The following CCDC81 variants were observed in gnomAD, a reference collection of about 807,000 sequenced individuals.
The protein encoded by CCDC81 is coiled-coil domain-containing protein 81.
Under a neutral mutation model 83.7 loss-of-function variants are expected in CCDC81, and 79 were observed. That is an observed-to-expected ratio of 0.94 (90% CI 0.79 to 1.14). The LOEUF (loss-of-function observed/expected upper bound fraction) is 1.14. Among genes scored for constraint, CCDC81 ranks in the 50% most tolerant of loss-of-function variants. The pLI, the probability that CCDC81 is intolerant of heterozygous loss-of-function variation, is 0.00. For missense variants in CCDC81, 791 were observed against 778.1 expected, an observed-to-expected ratio of 1.02 and a Z score of -0.20; for synonymous variants, 252 against 278.1, an observed-to-expected ratio of 0.91 and a Z score of 0.93.
chr11:86,393,098 C>T (rs576770988), intron 4 of CCDC81, among the ~76,000 whole-genome samples: 2 of 152,214 alleles, frequency 1.3e-5, no homozygotes, highest in African/African-American at 4.8e-5. Flanking sequence ...AGTCTCACTC[C>T]GTCACCCAGG....
chr11:86,386,129 TATTA>T lies in CCDC81; in HGVS notation c.141+21_141+24del, dbSNP rs747407773. The stretch of plus-strand genomic sequence containing the variant: ...CTGCACAAGGTAAGATTTATTAATT[TATTA>T]ATTTATTAATAAATTAATTTATTAA... On this transcript the variant is annotated intron_variant, in intron 2 of 14. Transcript: ENST00000445632. 1.1e-6 allele frequency: 1 copy of T among 905,578 alleles called. No individual in the cohort carries two copies. Among genetic ancestry groups the T allele is most frequent in the Non-Finnish European group, 1.5e-6 (1 of 665,066 alleles). 56.1% of individuals were successfully genotyped at this position (905,578 alleles called of 1,614,324 possible).
At chr11:86,378,623 A>G (rs1381516140) in intron 1 of CCDC81, among the ~76,000 whole-genome samples, 1 of 152,184 alleles carries the variant, frequency 6.6e-6, no homozygotes, top group Non-Finnish European at 1.5e-5. Context: ...CAGTTCTACT[A>G]GTTTTTGCTT....
chr11:86,411,872 C>A lies in CCDC81; in HGVS notation c.1219-515C>A, dbSNP rs140816634. On this transcript the variant is annotated intron_variant, in intron 10 of 14. Transcript: ENST00000445632. ...TCTGAGTTTCTTCCTCAGAAAAGAA[C>A]CACTAGGCCTTCCAAAAAGTGTCAA... 3.1e-3 allele frequency among the ~76,000 whole-genome samples: 465 copies of A among 152,252 alleles called. 3 individuals are homozygous for A. Among genetic ancestry groups the A allele is most frequent in the African/African-American group, 0.011 (452 of 41,536 alleles).
intron 7 of CCDC81, among the ~76,000 whole-genome samples, chr11:86,403,013 ATTTTTTTTTT>A (rs545083032): frequency 1.8e-5 from 2 of 112,490 alleles, no homozygotes; most frequent in Non-Finnish European, 3.6e-5. Flanking sequence ...TAATTTTTTG[ATTTTTTTTTT>A]TTTTTTTTTT....
chr11:86,404,749 G>A (rs1295129373), intron 7 of CCDC81, among the ~76,000 whole-genome samples: 2 of 152,218 alleles, frequency 1.3e-5, no homozygotes, highest in Non-Finnish European at 1.5e-5. Flanking sequence ...AACATGACCA[G>A]TGTGGTCAGA....
At position 86,374,889 on chromosome 11, in the gene CCDC81, T is replaced by C; in HGVS notation, c.-275T>C. 1 of 426,922 alleles carries C rather than the reference T, an allele frequency of 2.3e-6. No individual in the cohort carries two copies. Among genetic ancestry groups the C allele is most frequent in the South Asian group, 2.1e-5 (1 of 48,018 alleles). 26.4% of individuals were successfully genotyped at this position (426,922 alleles called of 1,614,324 possible). Reference sequence around the variant, plus strand: ...AGGGCGCGGGTCTGCACACTCTCACTCGGTGCCGGACATCAGTTCCTGCGG... The same window carrying C: ...AGGGCGCGGGTCTGCACACTCTCACCCGGTGCCGGACATCAGTTCCTGCGG... On this transcript the variant is annotated 5_prime_UTR_variant, in exon 1 of 15. Transcript: ENST00000445632.
chr11:86,422,296 C>A (rs1472083291), intron 14 of CCDC81, among the ~76,000 whole-genome samples: 2 of 152,112 alleles, frequency 1.3e-5, no homozygotes, highest in Admixed American at 1.3e-4. Flanking sequence ...GCTGTGTGAC[C>A]TTCGGCAAGT....
In CCDC81 at chr11:86,392,679, T is replaced by G. The variant is rs867090017; in HGVS notation, c.437T>G (p.Phe146Cys). 3 of 1,551,562 alleles carry G rather than the reference T, an allele frequency of 1.9e-6. No individual in the cohort carries two copies. The highest frequency in any genetic ancestry group is 3.9e-5 in the Admixed American group (2 of 50,988). The change falls in exon 4 of 15, where the codon TTT becomes TGT. Residue 146 changes from phenylalanine to cysteine, a missense_variant. Phe to Cys is a radical substitution (Grantham distance 205, BLOSUM62 -2). Transcript: ENST00000445632. ...ATTTCCATGAAACAAAATGTGGAGT[T>G]TACATTCAAAGGAATTGGGGTCCTC... ...RSISMKQNVE[F>C]TFKGIGVLMI...
intron 5 of CCDC81, among the ~76,000 whole-genome samples, chr11:86,395,768 G>A (rs545812906): frequency 1.8e-4 from 28 of 152,174 alleles, no homozygotes; most frequent in African/African-American, 6.3e-4. Flanking sequence ...GATTACAGGC[G>A]CACGCCACCA....
chr11:86,411,807 A>T (rs549343809), intron 10 of CCDC81, among the ~76,000 whole-genome samples: 1 of 152,226 alleles, frequency 6.6e-6, no homozygotes, highest in African/African-American at 2.4e-5. Flanking sequence ...ATAGAAATTG[A>T]CCCTTTTGGT....
chr11:86,375,827 C>T (rs1948092183), intron 1 of CCDC81, among the ~76,000 whole-genome samples: 1 of 152,172 alleles, frequency 6.6e-6, no homozygotes, highest in African/African-American at 2.4e-5. Context: ...TGAGATCTGT[C>T]TGCAAACCAC....
At chr11:86,413,700 G>T (rs1948676857) in intron 11 of CCDC81, among the ~76,000 whole-genome samples, 1 of 152,178 alleles carries the variant, frequency 6.6e-6, no homozygotes, top group African/African-American at 2.4e-5. Flanking sequence ...TTGAGCAGCT[G>T]TTCTTAGCTA....
At chr11:86,398,031 G>A (rs560314852) in intron 6 of CCDC81, among the ~76,000 whole-genome samples, 55 of 152,024 alleles carry the variant, frequency 3.6e-4, no homozygotes, top group Admixed American at 3.4e-3. Context: ...TTTATCTTTT[G>A]TATAGATGGG....
chr11:86,385,008 C>T (rs1948221912), intron 1 of CCDC81, among the ~76,000 whole-genome samples: 1 of 152,224 alleles, frequency 6.6e-6, no homozygotes, highest in Non-Finnish European at 1.5e-5. Context: ...AGGCTTTCCT[C>T]CAGTCAGTCA....
intron 3 of CCDC81, among the ~76,000 whole-genome samples, chr11:86,388,892 A>T (rs1463170589): frequency 6.6e-6 from 1 of 152,212 alleles, no homozygotes; most frequent in Non-Finnish European, 1.5e-5. Flanking sequence ...CTTGTACTGT[A>T]GTCCAAAAAA....
At chr11:86,413,597 G>C (rs1442866320) in intron 11 of CCDC81, among the ~76,000 whole-genome samples, 1 of 152,166 alleles carries the variant, frequency 6.6e-6, no homozygotes, top group Non-Finnish European at 1.5e-5. Flanking sequence ...CATTATGGTA[G>C]TGATGGTCAA....
intron 11 of CCDC81, 79 bp downstream of exon 11, chr11:86,412,638 G>A: frequency 7.8e-7 from 1 of 1,279,440 alleles, no homozygotes; most frequent in Non-Finnish European, 1.1e-6. Context: ...GATTGAATCA[G>A]CATTGGTAGT....
intron 1 of CCDC81, among the ~76,000 whole-genome samples, 174 bp downstream of exon 1, chr11:86,375,416 C>G (rs572564281): frequency 6.6e-6 from 1 of 152,210 alleles, no homozygotes; most frequent in East Asian, 1.9e-4. Flanking sequence ...GCCCAGAGAC[C>G]CTTTTCTGGT....
chr11:86,379,045 A>T (rs1448660277), intron 1 of CCDC81, among the ~76,000 whole-genome samples: 5 of 148,968 alleles, frequency 3.4e-5, no homozygotes, highest in Non-Finnish European at 1.5e-5. Flanking sequence ...ACCCATCTTT[A>T]TTTTCCACTG....
Sources: gnomAD v4.1 joint callset for allele counts (sites outside exome capture counted in the v4.1 genomes callset) on GRCh38, gnomAD v4.1.1 for gene constraint, MANE v1.5 for transcripts, NCBI Gene and HGNC (gene_info 2026-07-23, HGNC 2026-07-21) for gene names.